Variants in CFAP46 observed in about 807,000 individuals in gnomAD.
The protein encoded by CFAP46 is cilia- and flagella-associated protein 46.
Under a neutral mutation model 325.7 loss-of-function variants are expected in CFAP46, and 245 were observed. The observed-to-expected ratio is 0.75, with a 90% CI of 0.68 to 0.84. The LOEUF is 0.84. Ranked by LOEUF, CFAP46 falls within the 40% of genes least tolerant of loss-of-function variation. CFAP46 has a pLI of 0.00. For missense variants in CFAP46, 3,346 were observed against 3,543.0 expected (o/e 0.94, Z 1.41); for synonymous variants, 1,523 against 1,495.9 (o/e 1.02, Z -0.42).
rs1848955091 is a variant in CFAP46, at chr10:132,876,201, G to A, written c.4362+611C>T. 6.6e-6 allele frequency among the ~76,000 whole-genome samples: 1 copy of A among 152,236 alleles called. No homozygotes were observed. The highest frequency in any genetic ancestry group is 1.5e-5 in the Non-Finnish European group (1 of 68,036). On this transcript the variant is annotated intron_variant, in intron 31 of 57. Transcript: ENST00000368586. The surrounding 1 kb of genome is among the most constrained non-coding windows in gnomAD (Gnocchi z 4.1). ...GATATTGAGGGGAGTGGCATCAGCA[G>A]GGATCTGCGCAGGGCCACTCTACCC...
At chr10:132,836,099 G>A (rs370335611) in intron 46 of CFAP46, 43 bp downstream of exon 46, 40 of 1,333,494 alleles carry the variant, frequency 3.0e-5, no homozygotes, top group East Asian at 1.9e-4. Flanking sequence ...CCCATGCTCC[G>A]CCTGCCCTGC....
intron 50 of CFAP46, among the ~76,000 whole-genome samples, chr10:132,823,915 ATGTG>A (rs373991164): frequency 1.1e-4 from 12 of 107,882 alleles, no homozygotes; most frequent in South Asian, 6.9e-4. Flanking sequence ...GTGAGCGCTG[ATGTG>A]TGTGTGTGCT....
At chr10:132,845,545 T>C (rs1488814949) in intron 44 of CFAP46, among the ~76,000 whole-genome samples, 2 of 152,332 alleles carry the variant, frequency 1.3e-5, no homozygotes, top group East Asian at 1.9e-4. Context: ...GCCATGCTTG[T>C]CTGTTTCCCA....
chr10:132,920,563 G>T (rs1849707716), intron 13 of CFAP46, among the ~76,000 whole-genome samples: 1 of 152,236 alleles, frequency 6.6e-6, no homozygotes, highest in African/African-American at 2.4e-5. Flanking sequence ...GTCCCAGCAG[G>T]TTTATCCGCA....
chr10:132,809,028 C>CTGCCAT (rs1847525642), intron 57 of CFAP46, 124 bp from the exon 58 acceptor site: 3 of 1,009,714 alleles, frequency 3.0e-6, no homozygotes, highest in Middle Eastern at 3.3e-4. Context: ...GGGGAACACA[C>CTGCCAT]TGCCATTCGC....
At position 132,909,115 on chromosome 10, in the gene CFAP46, C is replaced by T. The variant is rs767018968; in HGVS notation, c.2757+22G>A. 1.6e-4 allele frequency: 252 copies of T among 1,532,008 alleles called. 1 individual carries two copies. In the East Asian group the frequency reaches 5.2e-3, roughly 32 times the overall value. The allele number at this position is 1,532,008 out of a possible 1,614,324, so 94.9% of individuals were successfully genotyped here. A position where few individuals can be genotyped will look rare whatever the true frequency, so the allele number is the denominator to read the frequency against. ...CCTCGCCTCTTGGCCCCTGGCCTCC[C>T]GGGACCCCTGGGGACACCTACCTGG... On this transcript the variant is annotated intron_variant, in intron 21 of 57. Coordinates refer to ENST00000368586, the MANE Select transcript of CFAP46 (RefSeq NM_001200049.3).
chr10:132,810,932 T>C lies in CFAP46; in HGVS notation c.7583+18A>G. ...CATCCTCAGCATCCCTGCCCACCCG[T>C]TCCAGGCAGCCAGGCACCTCCTGTG... On this transcript the variant is annotated intron_variant, in intron 56 of 57. Transcript: ENST00000368586. 2 of 1,577,394 alleles carry C rather than the reference T, an allele frequency of 1.3e-6. No individual in the cohort carries two copies. The highest frequency in any genetic ancestry group is 1.7e-6 in the Non-Finnish European group (2 of 1,160,346).
Position 132,919,658 on chromosome 10 carries a change from G to A in CFAP46, c.1731-216C>T, listed in dbSNP as rs527405085. Among the ~76,000 whole-genome samples the A allele has an allele frequency of 4.6e-5, 7 of 152,142 alleles. No individual in the cohort carries two copies. The South Asian group carries it at 1.5e-3, about 32-fold the overall frequency. ...CTCTCCCTGCCAGCCAGCTGTGCGC[G>A]GCACCTCCCTTCCCTGTGGTGAGAA... On this transcript the variant is annotated intron_variant, in intron 14 of 57. Transcript: ENST00000368586. This position sits in a 1 kb window ranked among gnomAD's most constrained non-coding sequence, Gnocchi z 9.7.
At position 132,881,166 on chromosome 10, in the gene CFAP46, C is replaced by T. The variant is rs140445531; in HGVS notation, c.3628-134G>A. 1.5e-3 allele frequency: 1,297 copies of T among 861,406 alleles called. 9 individuals carry two copies. In the African/African-American group the frequency reaches 0.018, roughly 12 times the overall value. 53.4% of individuals were successfully genotyped at this position (861,406 alleles called of 1,614,324 possible). A position where few individuals can be genotyped will look rare whatever the true frequency, so the allele number is the denominator to read the frequency against. On this transcript the variant is annotated intron_variant, in intron 27 of 57. Coordinates refer to ENST00000368586, the MANE Select transcript of CFAP46 (RefSeq NM_001200049.3). ...ACCCCCACAGTGATCATTTGCAGGC[C>T]GCCTCTAATGAGACCAAGTTGCCAT...
At chr10:132,853,590 G>A (rs888925227) in intron 39 of CFAP46, among the ~76,000 whole-genome samples, 21 of 151,866 alleles carry the variant, frequency 1.4e-4, no homozygotes, top group South Asian at 4.2e-4. Flanking sequence ...TGTAGAACTC[G>A]TATTATTTTT....
intron 50 of CFAP46, among the ~76,000 whole-genome samples, chr10:132,821,479 TG>T: frequency 6.9e-6 from 1 of 144,768 alleles, no homozygotes; most frequent in African/African-American, 2.7e-5. Flanking sequence ...GTGTTGTGTG[TG>T]CTGTGTGAGT....
chr10:132,901,293 T>C (rs910081461), intron 22 of CFAP46, among the ~76,000 whole-genome samples: 1 of 152,282 alleles, frequency 6.6e-6, no homozygotes, highest in African/African-American at 2.4e-5. Context: ...ATGACTGATA[T>C]GGGTCAAATC....
intron 51 of CFAP46, 30 bp from the exon 52 acceptor site, chr10:132,814,776 C>T: frequency 6.2e-7 from 1 of 1,613,508 alleles, no homozygotes; most frequent in Non-Finnish European, 8.5e-7. Context: ...TCAGCAGGTG[C>T]AGGGGCCAGG....
At position 132,913,207 on chromosome 10, in the gene CFAP46, G is replaced by A. The variant is rs774029915; in HGVS notation, c.2172C>T (p.Ser724=). The A allele has an allele frequency of 3.8e-5, 59 of 1,550,464 alleles. No homozygotes were observed. Among genetic ancestry groups the A allele is most frequent in the Middle Eastern group, 1.7e-4 (1 of 5,992 alleles). ...SRCAMNNWLR[S]AEIGQEIQEA... is the part of the protein sequence containing the mutation. Reference sequence around the variant, plus strand: ...CCTGGATCTCCTGTCCGATCTCTGCGGAGCGCAGCCAGTTATTCATGGCAC... The same window carrying A: ...CCTGGATCTCCTGTCCGATCTCTGCAGAGCGCAGCCAGTTATTCATGGCAC... The change falls in exon 18 of 58, where the codon TCC becomes TCT. Residue 724 remains serine (S), a synonymous_variant. Transcript: ENST00000368586.
intron 50 of CFAP46, among the ~76,000 whole-genome samples, chr10:132,824,397 T>G (rs1006556263): frequency 7.4e-6 from 1 of 135,426 alleles, no homozygotes; most frequent in Non-Finnish European, 1.6e-5. Flanking sequence ...CTGTGTGTGC[T>G]GATGTGTGTT....
rs746193737 is a variant in CFAP46, at chr10:132,919,377, G to A, written c.1796C>T (p.Thr599Met). ...RKQGVWDVCR[T>M]ASRFCLLYDN... is the part of the protein sequence containing the mutation. ...ATACAGGAGGCAGAAGCGGCTCGCCGTCCGACAGACGTCCCACACGCCTTG... is the reference window on the plus strand; with the variant it reads ...ATACAGGAGGCAGAAGCGGCTCGCCATCCGACAGACGTCCCACACGCCTTG... Residue 599 changes from threonine (T) to methionine (M), a missense_variant, in exon 15 of 58, where the codon ACG becomes ATG. By Grantham distance (81) the Thr-to-Met change is moderately conservative. Transcript: ENST00000368586. The surrounding 1 kb of genome is among the most constrained non-coding windows in gnomAD (Gnocchi z 9.7). The A allele has an allele frequency of 6.1e-5, 94 of 1,550,074 alleles. No individual in the cohort carries two copies. Among genetic ancestry groups the A allele is most frequent in the Middle Eastern group, 3.3e-4 (2 of 5,990 alleles).
chr10:132,927,028 C>G (rs891398104), intron 9 of CFAP46, among the ~76,000 whole-genome samples: 1 of 152,146 alleles, frequency 6.6e-6, no homozygotes, highest in African/African-American at 2.4e-5. Flanking sequence ...TACGTCACAC[C>G]GGGAAGAAGG....
chr10:132,870,073 T>C (rs1426311498), intron 32 of CFAP46, among the ~76,000 whole-genome samples: 1 of 152,206 alleles, frequency 6.6e-6, no homozygotes, highest in African/African-American at 2.4e-5. Flanking sequence ...TCTCAAAATA[T>C]TTCAAACTTT....
At chr10:132,837,622 G>C (rs914266408) in intron 44 of CFAP46, among the ~76,000 whole-genome samples, 1 of 113,788 alleles carries the variant, frequency 8.8e-6, no homozygotes, top group African/African-American at 3.5e-5. Flanking sequence ...CACGTACACA[G>C]ACATGCACGG....
Sources: allele counts gnomAD v4.1 joint callset (sites outside exome capture counted in the v4.1 genomes callset), GRCh38; gene constraint gnomAD v4.1.1; non-coding constraint Gnocchi (gnomAD v3.1); transcripts MANE v1.5; gene names NCBI Gene and HGNC (gene_info 2026-07-23, HGNC 2026-07-21).